XPR1: variants seen among roughly 807,000 people sequenced by gnomAD.
XPR1 encodes the protein xenotropic and polytropic retrovirus receptor 1, also known as solute carrier family 53 member 1.
XPR1 carries 28 observed loss-of-function variants against 87.5 expected under a neutral mutation model. The observed-to-expected ratio is 0.32, with a 90% confidence interval of 0.24 to 0.44. The LOEUF is 0.44. Among genes scored for constraint, XPR1 ranks in the 20% least tolerant of loss-of-function variants. The probability of loss-of-function intolerance (pLI) is 1.00; values close to 1 mark genes in which losing one functional copy is unlikely to be tolerated. For synonymous variants in XPR1, 300 were observed against 306.1 expected, an observed-to-expected ratio of 0.98 and a Z score of 0.21; for missense variants, 559 against 862.3, an observed-to-expected ratio of 0.65 and a Z score of 4.41.
chr1:180,879,904 T>A (rs1209045865), intron 13 of XPR1, among the ~76,000 whole-genome samples, 172 bp from the exon 14 acceptor site: 1 of 152,070 alleles, frequency 6.6e-6, no homozygotes, highest in Non-Finnish European at 1.5e-5. Flanking sequence ...TTGTTTCCCT[T>A]ACCCCCCCAC....
At position 180,688,367 on chromosome 1, in the gene XPR1, G is replaced by A. The variant is rs951091158; in HGVS notation, c.121+5956G>A. The stretch of plus-strand genomic sequence containing the variant: ...GCCTCCCAAAGTGCTAGGATTACAG[G>A]TGTGAGCCACTGCGCCCAGCCTATT... On this transcript the variant is annotated intron_variant, in intron 2 of 14. Coordinates refer to ENST00000367590, the MANE Select transcript of XPR1 (RefSeq NM_004736.4). 1.1e-4 allele frequency among the ~76,000 whole-genome samples: 17 copies of A among 152,020 alleles called. 1 individual carries two copies. In the South Asian group the frequency reaches 2.7e-3, roughly 24 times the overall value.
chr1:180,852,261 A>G (rs942617625), intron 11 of XPR1, among the ~76,000 whole-genome samples: 10 of 152,138 alleles, frequency 6.6e-5, no homozygotes, highest in African/African-American at 2.4e-4. Flanking sequence ...CATGCATGGC[A>G]AGAAGTAATG....
At chr1:180,713,171 C>T (rs970008787) in intron 2 of XPR1, among the ~76,000 whole-genome samples, 1 of 151,958 alleles carries the variant, frequency 6.6e-6, no homozygotes. Context: ...TTTCTCTCAG[C>T]AGTGTTTTGT....
At chr1:180,711,602 T>TGGGGAGGGGGAGAG (rs1657797790) in intron 2 of XPR1, among the ~76,000 whole-genome samples, 2 of 143,084 alleles carry the variant, frequency 1.4e-5, no homozygotes, top group Admixed American at 1.4e-4. Flanking sequence ...AGGGAGACCG[T>TGGGGAGGGGGAGAG]GGGGAGGGGG....
At chr1:180,767,197 G>T (rs2102061075) in intron 2 of XPR1, among the ~76,000 whole-genome samples, 1 of 152,244 alleles carries the variant, frequency 6.6e-6, no homozygotes, top group East Asian at 1.9e-4. Context: ...AGAAGTTTTT[G>T]TAGTAAACTT....
intron 1 of XPR1, among the ~76,000 whole-genome samples, chr1:180,655,628 T>C (rs1655431480): frequency 6.6e-6 from 1 of 152,168 alleles, no homozygotes; most frequent in Non-Finnish European, 1.5e-5. Flanking sequence ...TGTCTATTTT[T>C]GTTCTTGTTG....
At chr1:180,760,358 G>A (rs1647964524) in intron 2 of XPR1, among the ~76,000 whole-genome samples, 2 of 152,314 alleles carry the variant, frequency 1.3e-5, no homozygotes, top group South Asian at 4.1e-4. Flanking sequence ...TGTATATCTA[G>A]AAAACCCCAT....
intron 2 of XPR1, among the ~76,000 whole-genome samples, chr1:180,778,840 A>G (rs1648829586): frequency 6.6e-6 from 1 of 152,166 alleles, no homozygotes; most frequent in Non-Finnish European, 1.5e-5. Flanking sequence ...TAAAATTATC[A>G]TTTAATAAAA....
At chr1:180,800,531 C>T (rs1049731476) in intron 3 of XPR1, among the ~76,000 whole-genome samples, 1 of 152,314 alleles carries the variant, frequency 6.6e-6, no homozygotes, top group South Asian at 2.1e-4. Context: ...TAACACCTTG[C>T]GTTTAGCCTT....
intron 1 of XPR1, among the ~76,000 whole-genome samples, chr1:180,669,506 C>A (rs1656087070): frequency 6.6e-6 from 1 of 152,152 alleles, no homozygotes; most frequent in Non-Finnish European, 1.5e-5. Context: ...CCTCAGCCTC[C>A]TGAGTAGCTG....
At chr1:180,729,212 T>G (rs1041297311) in intron 2 of XPR1, among the ~76,000 whole-genome samples, 1 of 152,264 alleles carries the variant, frequency 6.6e-6, no homozygotes, top group African/African-American at 2.4e-5. Flanking sequence ...TGGTGTTATA[T>G]GTATCACATT....
chr1:180,832,085 C>G (rs1047203836), intron 9 of XPR1, among the ~76,000 whole-genome samples: 1 of 152,180 alleles, frequency 6.6e-6, no homozygotes, highest in Non-Finnish European at 1.5e-5. Context: ...TAATGATTGC[C>G]ATTCTAACTG....
At chr1:180,815,924 A>G (rs1305686445) in intron 7 of XPR1, among the ~76,000 whole-genome samples, 1 of 152,166 alleles carries the variant, frequency 6.6e-6, no homozygotes, top group East Asian at 1.9e-4. Context: ...CTACAAACAT[A>G]CTTGTACATG....
chr1:180,745,987 T>G (rs1659075797), intron 2 of XPR1, among the ~76,000 whole-genome samples: 1 of 152,224 alleles, frequency 6.6e-6, no homozygotes, highest in Non-Finnish European at 1.5e-5. Flanking sequence ...GTTCTGGAGG[T>G]CAGAAGTCCA....
chr1:180,744,363 G>A (rs767811121), intron 2 of XPR1, among the ~76,000 whole-genome samples: 30 of 151,810 alleles, frequency 2.0e-4, no homozygotes, highest in Non-Finnish European at 3.5e-4. Context: ...TCTTTTGATC[G>A]TATATTTTTG....
Position 180,884,309 on chromosome 1 carries a change from GATGTTTTAAGAAACAAAACATAGTATCTT to G in XPR1, c.*247_*275del. The G allele has an allele frequency of 2.4e-6, 1 of 408,544 alleles. No individual in the cohort carries two copies. The highest frequency in any genetic ancestry group is 4.5e-6 in the Non-Finnish European group (1 of 223,710). The allele number at this position is 408,544 out of a possible 1,614,324, so 25.3% of individuals were successfully genotyped here. A position where few individuals can be genotyped will look rare whatever the true frequency, so the allele number is the denominator to read the frequency against. Reference sequence around the variant, plus strand: ...TATTTACTTCATTTGCCAATCAGAGGATGTTTTAAGAAACAAAACATAGTATCTTATGGATTGTTTACAATCACAAGGAC... The same window carrying G: ...TATTTACTTCATTTGCCAATCAGAGGATGGATTGTTTACAATCACAAGGAC... On this transcript the variant is annotated 3_prime_UTR_variant, in exon 15 of 15. Coordinates refer to ENST00000367590, the MANE Select transcript of XPR1 (RefSeq NM_004736.4).
At chr1:180,679,651 G>T (rs556384586) in intron 1 of XPR1, among the ~76,000 whole-genome samples, 162 of 152,258 alleles carry the variant, frequency 1.1e-3, no homozygotes, top group African/African-American at 3.7e-3. Flanking sequence ...AGATTAAACT[G>T]CAGCCATCCA....
chr1:180,749,198 C>T (rs1205233608), intron 2 of XPR1, among the ~76,000 whole-genome samples: 1 of 152,016 alleles, frequency 6.6e-6, no homozygotes, highest in African/African-American at 2.4e-5. Flanking sequence ...AAGACCCTGT[C>T]TAAAAAAATA....
At chr1:180,671,786 T>C (rs1451036377) in intron 1 of XPR1, among the ~76,000 whole-genome samples, 2 of 152,170 alleles carry the variant, frequency 1.3e-5, no homozygotes, top group Non-Finnish European at 2.9e-5. Context: ...GTGCTGGGAT[T>C]ACAGGTGTGA....
Sources: gnomAD v4.1 joint callset for allele counts (sites outside exome capture counted in the v4.1 genomes callset) on GRCh38, gnomAD v4.1.1 for gene constraint, MANE v1.5 for transcripts, NCBI Gene and HGNC (gene_info 2026-07-23, HGNC 2026-07-21) for gene names.